The following POGZ variants were observed in gnomAD, a reference collection of about 807,000 sequenced individuals.
POGZ encodes pogo transposable element with ZNF domain.
In POGZ, 17 loss-of-function variants were observed where a neutral mutation model predicts 134.6. The ratio of observed to expected loss-of-function variants is 0.13; its 90% CI spans 0.09 to 0.19. The LOEUF (loss-of-function observed/expected upper bound fraction) is 0.19, where lower values mean the gene tolerates loss of function less well. Ranked by LOEUF, POGZ falls within the 10% of genes least tolerant of loss-of-function variation. POGZ has a pLI of 1.00. For synonymous variants in POGZ, 693 were observed against 657.1 expected, an observed-to-expected ratio of 1.05 and a Z score of -0.84; for missense variants, 1,306 against 1,769.7, an observed-to-expected ratio of 0.74 and a Z score of 4.70.
Position 151,404,532 on chromosome 1 carries a change from TA to T in POGZ, c.*269del, listed in dbSNP as rs923196184. On this transcript the variant is annotated 3_prime_UTR_variant, in exon 19 of 19. Transcript: ENST00000271715. ...AATACCAAACACAGTGATTTAAATT[TA>T]AAAAAAAAAAAAGTCACAAAAACCT... The T allele has an allele frequency of 0.13, 87,607 of 660,890 alleles. 7 individuals carry two copies. The highest frequency in any genetic ancestry group is 0.17 in the Middle Eastern group (281 of 1,644). 40.9% of individuals were successfully genotyped at this position (660,890 alleles called of 1,614,324 possible). A position where few individuals can be genotyped will look rare whatever the true frequency, so the allele number is the denominator to read the frequency against.
intron 1 of POGZ, among the ~76,000 whole-genome samples, chr1:151,454,420 T>C (rs1045599902): frequency 1.3e-5 from 2 of 152,238 alleles, no homozygotes; most frequent in African/African-American, 4.8e-5. Context: ...TCCAGTCTTT[T>C]GCACAGCCCA....
intron 10 of POGZ, 104 bp from the exon 11 acceptor site, chr1:151,412,500 A>C (rs1341925505): frequency 1.5e-6 from 1 of 661,172 alleles, no homozygotes; most frequent in Admixed American, 2.5e-5. Context: ...GATTTTCAAC[A>C]ATCAGTAAAT....
rs1653493871 is a variant in POGZ, at chr1:151,405,816, C to A, written c.3219G>T (p.Val1073=). ...GGFKISYEWA[V]RFMLRHHLTP... is the part of the protein sequence containing the mutation. Reference sequence around the variant, plus strand: ...TCAGGTGGTGCCGCAGCATGAAACGCACAGCCCACTCATAGGAGATCTTAA... The same window carrying A: ...TCAGGTGGTGCCGCAGCATGAAACGAACAGCCCACTCATAGGAGATCTTAA... Residue 1073 remains valine, a synonymous_variant, in exon 19 of 19, where the codon GTG becomes GTT. Transcript: ENST00000271715. This position sits in a 1 kb window ranked among gnomAD's most constrained non-coding sequence, Gnocchi z 4.9. 1 of 1,614,072 alleles carries A rather than the reference C, an allele frequency of 6.2e-7. No homozygotes were observed. The highest frequency in any genetic ancestry group is 8.5e-7 in the Non-Finnish European group (1 of 1,180,048).
rs1184651182 is a variant in POGZ at position 151,405,968 on chromosome 1, G to A, written c.3067C>T (p.Leu1023=). Residue 1023 remains leucine (L), a synonymous_variant, in exon 19 of 19, where the codon CTG becomes TTG. Transcript: ENST00000271715. The surrounding 1 kb of genome is among the most constrained non-coding windows in gnomAD (Gnocchi z 4.9). ...AGTTTCTCTTCTGCCTCAAAGCTCA[G>A]ATATTTGCCCTCTAGATTCTCCCCC... is the stretch of plus-strand genomic sequence containing the variant. ...SQGENLEGKY[L]SFEAEEKLAE... 1 of 1,614,230 alleles carries A rather than the reference G, an allele frequency of 6.2e-7. No individual in the cohort carries two copies. The highest frequency in any genetic ancestry group is 2.2e-5 in the East Asian group (1 of 44,888).
chr1:151,426,477 C>T (rs1433933379), intron 7 of POGZ: 2 of 152,100 alleles, frequency 1.3e-5, no homozygotes, highest in Admixed American at 6.6e-5. Flanking sequence ...TGAACCACCA[C>T]GACCAGCGAG....
At chr1:151,414,235 T>G (rs530716064) in intron 10 of POGZ, among the ~76,000 whole-genome samples, 73 of 152,250 alleles carry the variant, frequency 4.8e-4, no homozygotes, top group African/African-American at 1.7e-3. Context: ...TGGGAAACAG[T>G]TAACTAGCAA....
At chr1:151,412,225 T>G in intron 11 of POGZ, 71 bp downstream of exon 11, 1 of 791,890 alleles carries the variant, frequency 1.3e-6, no homozygotes, top group Non-Finnish European at 2.2e-6. Flanking sequence ...GTCAACAATA[T>G]TCATTAGTAA....
rs759431286 is a variant in POGZ at position 151,424,120 on chromosome 1, G to C, written c.1352C>G (p.Pro451Arg). ...ATCGCCCACGTTCTCATTTGGTTCT[G>C]GTACTTTGGTAGGCGGTGACAGAGC... The part of the protein sequence containing the change: ...IPALSPPTKV[P>R]EPNENVGDAV... Residue 451 changes from proline (P) to arginine (R), a missense_variant, in exon 9 of 19, where the codon CCA (proline) becomes CGA (arginine). By Grantham distance (103) the Pro-to-Arg change is moderately radical. Coordinates refer to ENST00000271715, the MANE Select transcript of POGZ (RefSeq NM_015100.4). 6.2e-7 allele frequency: 1 copy of C among 1,614,164 alleles called. No homozygotes were observed. Among genetic ancestry groups the C allele is most frequent in the Admixed American group, 1.7e-5 (1 of 60,012 alleles).
Position 151,405,369 on chromosome 1 carries a change from G to A in POGZ, c.3666C>T (p.Ser1222=). The A allele has an allele frequency of 1.9e-6, 3 of 1,614,102 alleles. No individual in the cohort carries two copies. Among genetic ancestry groups the A allele is most frequent in the Non-Finnish European group, 2.5e-6 (3 of 1,179,964 alleles). The change falls in exon 19 of 19, where the codon AGC becomes AGT. Residue 1222 remains serine (S), a synonymous_variant. Transcript: ENST00000271715. This position sits in a 1 kb window ranked among gnomAD's most constrained non-coding sequence, Gnocchi z 4.9. The part of the protein sequence containing the change: ...VWQKHTACQR[S]KGMLVMDCHR... Reference sequence around the variant, plus strand: ...GACAGTCCATCACAAGCATGCCTTTGCTGCGCTGGCAAGCTGTGTGCTTCT... The same window carrying A: ...GACAGTCCATCACAAGCATGCCTTTACTGCGCTGGCAAGCTGTGTGCTTCT...
At chr1:151,448,132 A>G (rs1661532454) in intron 1 of POGZ, among the ~76,000 whole-genome samples, 1 of 152,204 alleles carries the variant, frequency 6.6e-6, no homozygotes, top group Admixed American at 6.5e-5. Context: ...GTCATCTGAC[A>G]GAAAAATTCC....
At chr1:151,407,127 C>T in intron 16 of POGZ, 104 bp from the exon 17 acceptor site, 2 of 1,221,328 alleles carry the variant, frequency 1.6e-6, no homozygotes, top group Admixed American at 2.0e-5. Context: ...CCCACTTTCT[C>T]CTTTTTCTGA....
rs1659708395 is a variant in POGZ at position 151,437,070 on chromosome 1, TG to T, written c.283+3857del. Among the ~76,000 whole-genome samples, 3 of 152,106 alleles carry T rather than the reference TG, an allele frequency of 2.0e-5. No individual in the cohort carries two copies. The South Asian group carries it at 6.2e-4, about 32-fold the overall frequency. ...TTAGCCGGGTGTGGTGGCAGGCACC[TG>T]CAGTCCCAGCTACTTGGGAGACTGA... On this transcript the variant is annotated intron_variant, in intron 3 of 18. Transcript: ENST00000271715.
chr1:151,432,964 T>C (rs776847915), intron 3 of POGZ, among the ~76,000 whole-genome samples: 53 of 152,232 alleles, frequency 3.5e-4, no homozygotes, highest in Non-Finnish European at 6.6e-4. Flanking sequence ...CAACCATCTC[T>C]TTCTATCCTT....
Position 151,405,663 on chromosome 1 carries a change from A to C in POGZ, c.3372T>G (p.Ala1124=), listed in dbSNP as rs377244597. The change falls in exon 19 of 19, where the codon GCT becomes GCG. Residue 1124 remains alanine (A), a synonymous_variant. Transcript: ENST00000271715. The surrounding 1 kb of genome is among the most constrained non-coding windows in gnomAD (Gnocchi z 4.9). ...NQDLPLSMIV[A]IDEISLFLDT... is the part of the protein sequence containing the mutation. ...CCAGGAACAAAGAGATCTCATCAAT[A>C]GCCACAATCATAGACAAGGGTAAGT... is the stretch of plus-strand genomic sequence containing the variant. 1.2e-6 allele frequency: 2 copies of C among 1,614,212 alleles called. No homozygotes were observed. Among genetic ancestry groups the C allele is most frequent in the Non-Finnish European group, 8.5e-7 (1 of 1,180,026 alleles).
At chr1:151,446,046 C>T (rs1257940978) in intron 1 of POGZ, among the ~76,000 whole-genome samples, 6 of 123,910 alleles carry the variant, frequency 4.8e-5, no homozygotes, top group East Asian at 2.3e-4. Flanking sequence ...CGTCTTTCAA[C>T]TTTTTTTTTT....
At chr1:151,420,504 G>A (rs145016747) in intron 10 of POGZ, among the ~76,000 whole-genome samples, 2 of 152,134 alleles carry the variant, frequency 1.3e-5, no homozygotes, top group African/African-American at 2.4e-5. Flanking sequence ...TTGTAGAGAC[G>A]GGGTTTCTCC....
intron 1 of POGZ, among the ~76,000 whole-genome samples, chr1:151,444,446 A>G (rs140739918): frequency 7.9e-5 from 12 of 152,330 alleles, no homozygotes; most frequent in African/African-American, 2.2e-4. Flanking sequence ...TCTTTGCTGT[A>G]TAACTTTCTG....
chr1:151,420,583 TTACAG>T (rs1656717245), intron 10 of POGZ, among the ~76,000 whole-genome samples: 1 of 152,150 alleles, frequency 6.6e-6, no homozygotes, highest in African/African-American at 2.4e-5. Flanking sequence ...AGTGCTGAGA[TTACAG>T]GTGTGAACCA....
At chr1:151,410,461 T>G (rs1239744234) in intron 12 of POGZ, among the ~76,000 whole-genome samples, 2 of 152,280 alleles carry the variant, frequency 1.3e-5, no homozygotes, top group East Asian at 1.9e-4. Flanking sequence ...ATCACACCCT[T>G]TTCTTTAAAA....
Sources: gnomAD v4.1 joint callset for allele counts (sites outside exome capture counted in the v4.1 genomes callset) on GRCh38, gnomAD v4.1.1 for gene constraint, Gnocchi (gnomAD v3.1) non-coding constraint, MANE v1.5 for transcripts, NCBI Gene and HGNC (gene_info 2026-07-23, HGNC 2026-07-21) for gene names.